The following SLC1A7 variants were observed in gnomAD, a reference collection of about 807,000 sequenced individuals.
The protein encoded by SLC1A7 is excitatory amino acid transporter 5.
SLC1A7 carries 40 observed loss-of-function variants against 47.7 expected under a neutral mutation model. The observed-to-expected ratio is 0.84, with a 90% CI of 0.65 to 1.09. The LOEUF (loss-of-function observed/expected upper bound fraction) is 1.09. Ranked by LOEUF, SLC1A7 falls within the 50% of genes least tolerant of loss-of-function variation. The pLI, the probability that SLC1A7 is intolerant of heterozygous loss-of-function variation, is 0.00. For missense variants in SLC1A7, 746 were observed against 769.5 expected, an observed-to-expected ratio of 0.97 and a Z score of 0.36; for synonymous variants, 323 against 325.6, an observed-to-expected ratio of 0.99 and a Z score of 0.09.
chr1:53,115,252 C>T, intron 2 of SLC1A7: 1 of 532,402 alleles, frequency 1.9e-6, no homozygotes, highest in South Asian at 2.5e-5. Flanking sequence ...GGTGGGGACA[C>T]TGTTGGGGGA....
intron 2 of SLC1A7, among the ~76,000 whole-genome samples, chr1:53,117,972 G>A (rs1031108860): frequency 6.6e-6 from 1 of 152,268 alleles, no homozygotes; most frequent in African/African-American, 2.4e-5. Flanking sequence ...ATGGCGGAAG[G>A]GAGAGGTGAG....
intron 5 of SLC1A7, among the ~76,000 whole-genome samples, chr1:53,102,109 C>T (rs949941232): frequency 1.3e-5 from 2 of 152,230 alleles, no homozygotes; most frequent in African/African-American, 4.8e-5. Context: ...AGTTTGGGGA[C>T]TGCTTGTCAG....
chr1:53,088,837 C>G lies in SLC1A7; in HGVS notation c.1464+40G>C, dbSNP rs1644387499. 6.5e-6 allele frequency: 10 copies of G among 1,549,834 alleles called. No individual in the cohort carries two copies. In the East Asian group the frequency reaches 2.2e-4, roughly 35 times the overall value. ...CTGGTGCCCTGCCCACCCTGCGTGG[C>G]TCCACCCTCCTGGCAGCCTCTGGAT... On this transcript the variant is annotated intron_variant, in intron 10 of 10. Transcript: ENST00000371494.
At chr1:53,104,692 C>T (rs1379052207) in intron 4 of SLC1A7, among the ~76,000 whole-genome samples, 1 of 152,224 alleles carries the variant, frequency 6.6e-6, no homozygotes, top group Non-Finnish European at 1.5e-5. Context: ...CCAAAGCTTT[C>T]ACAGCTCCCT....
At chr1:53,140,687 G>C (rs1162332328) in intron 1 of SLC1A7, among the ~76,000 whole-genome samples, 13 of 152,210 alleles carry the variant, frequency 8.5e-5, no homozygotes, top group African/African-American at 3.1e-4. Context: ...CTGTATGCTG[G>C]GCATTGATGA....
At chr1:53,090,585 C>G (rs574223644) in intron 8 of SLC1A7, 27 bp downstream of exon 8, 1 of 1,544,338 alleles carries the variant, frequency 6.5e-7, no homozygotes, top group Non-Finnish European at 8.8e-7. Context: ...CCCGCCCCAT[C>G]CACCCAGGTG....
Position 53,114,799 on chromosome 1 carries a change from C to T in SLC1A7, c.390G>A (p.Lys130=), listed in dbSNP as rs1332144672. The T allele has an allele frequency of 2.5e-6, 4 of 1,614,176 alleles. 1 individual carries two copies. The highest frequency in any genetic ancestry group is 3.3e-5 in the Admixed American group (2 of 60,028). Residue 130 remains lysine (K), a synonymous_variant, in exon 3 of 11, where the codon AAG becomes AAA. Transcript: ENST00000371494. ...AQKETTEQSG[K]PIMSSADALL... is the part of the protein sequence containing the mutation. ...GGGCATCGGCTGAGCTCATGATGGG[C>T]TTCCCACTCTGCTCCGTGGTCTCCT...
At chr1:53,128,954 G>A (rs1173570889) in intron 2 of SLC1A7, among the ~76,000 whole-genome samples, 1 of 140,894 alleles carries the variant, frequency 7.1e-6, no homozygotes, top group African/African-American at 2.6e-5. Flanking sequence ...CAAGGTGGGC[G>A]GATCACCTGA....
intron 3 of SLC1A7, among the ~76,000 whole-genome samples, chr1:53,108,797 A>G (rs1443348020): frequency 1.3e-5 from 2 of 152,234 alleles, no homozygotes; most frequent in African/African-American, 2.4e-5. Flanking sequence ...TTCTTCAGGA[A>G]CAAATGCAAA....
intron 3 of SLC1A7, among the ~76,000 whole-genome samples, chr1:53,113,587 T>G (rs529809124): frequency 1.3e-5 from 2 of 152,076 alleles, no homozygotes; most frequent in South Asian, 2.1e-4. Flanking sequence ...ATCTGCCCCC[T>G]TCCCCATCCC....
Position 53,092,571 on chromosome 1 carries a change from C to T in SLC1A7, c.1014G>A (p.Ala338=), listed in dbSNP as rs769608351. ...IRGILQALLI[A]LATSSSSATL... is the part of the protein sequence containing the mutation. ...GGGGCTACCTGGAGGAGGTGGCCAG[C>T]GCGATGAGCAGAGCCTGCAGGATGC... Residue 338 remains alanine, a synonymous_variant, in exon 7 of 11, where the codon GCG becomes GCA. Transcript: ENST00000371494. 2.0e-5 allele frequency: 32 copies of T among 1,613,722 alleles called. No homozygotes were observed. Among genetic ancestry groups the T allele is most frequent in the African/African-American group, 2.7e-5 (2 of 75,046 alleles).
chr1:53,093,321 T>G, intron 6 of SLC1A7, 140 bp downstream of exon 6: 2 of 685,242 alleles, frequency 2.9e-6, no homozygotes, highest in Non-Finnish European at 4.9e-6. Flanking sequence ...TGGAAACACA[T>G]GTAGCTCCGG....
intron 5 of SLC1A7, among the ~76,000 whole-genome samples, chr1:53,097,797 C>T (rs1176345218): frequency 6.6e-6 from 1 of 151,626 alleles, no homozygotes; most frequent in Admixed American, 6.6e-5. Context: ...CACACACCGC[C>T]TCAGTACACT....
At chr1:53,135,233 A>C (rs1309384950) in intron 1 of SLC1A7, among the ~76,000 whole-genome samples, 1 of 152,198 alleles carries the variant, frequency 6.6e-6, no homozygotes, top group Non-Finnish European at 1.5e-5. Flanking sequence ...CTGTTCATGC[A>C]TTCATTCAAC....
intron 3 of SLC1A7, among the ~76,000 whole-genome samples, chr1:53,109,547 C>T (rs536544888): frequency 2.7e-4 from 41 of 152,186 alleles, no homozygotes; most frequent in Non-Finnish European, 5.9e-4. Context: ...GGATGCAGAT[C>T]TTTGCCCCTG....
At chr1:53,125,426 A>G (rs1294896473) in intron 2 of SLC1A7, among the ~76,000 whole-genome samples, 1 of 152,144 alleles carries the variant, frequency 6.6e-6, no homozygotes, top group African/African-American at 2.4e-5. Context: ...AGTTATGGAA[A>G]ACTGTGCCCA....
At chr1:53,113,485 C>T (rs1340096411) in intron 3 of SLC1A7, among the ~76,000 whole-genome samples, 1 of 152,122 alleles carries the variant, frequency 6.6e-6, no homozygotes, top group African/African-American at 2.4e-5. Context: ...CACTTGGATG[C>T]GTGGGCCAGA....
At chr1:53,115,202 A>G (rs1207626828) in intron 2 of SLC1A7, 1 of 584,548 alleles carries the variant, frequency 1.7e-6, no homozygotes, top group East Asian at 2.8e-5. Flanking sequence ...AGACCTCTGC[A>G]CTGCTAGGCA....
At chr1:53,136,157 A>C (rs547239091) in intron 1 of SLC1A7, among the ~76,000 whole-genome samples, 1,951 of 146,974 alleles carry the variant, frequency 0.013, 11 homozygotes, top group Middle Eastern at 0.018. Context: ...CTCTCTATAT[A>C]TATATATATA....
Sources: allele counts gnomAD v4.1 joint callset (sites outside exome capture counted in the v4.1 genomes callset), GRCh38; gene constraint gnomAD v4.1.1; transcripts MANE v1.5; gene names NCBI Gene and HGNC (gene_info 2026-07-23, HGNC 2026-07-21).